WWOX: variants seen among roughly 807,000 people sequenced by gnomAD.
The protein encoded by WWOX is WW domain containing oxidoreductase, also known as WW domain-containing oxidoreductase.
WWOX carries 69 observed loss-of-function variants against 46.2 expected under a neutral mutation model. That is an observed-to-expected ratio of 1.49 (90% CI 1.23 to 1.82). The LOEUF (loss-of-function observed/expected upper bound fraction) is 1.82, where lower values mean the gene tolerates loss of function less well. Among genes scored for constraint, WWOX ranks in the 40% most tolerant of loss-of-function variants. The pLI, the probability that WWOX is intolerant of heterozygous loss-of-function variation, is 0.00. For missense variants in WWOX, 919 were observed against 542.6 expected, an observed-to-expected ratio of 1.69 and a Z score of -6.89; for synonymous variants, 359 against 202.6, an observed-to-expected ratio of 1.77 and a Z score of -6.56.
intron 8 of WWOX, among the ~76,000 whole-genome samples, chr16:78,575,021 AAATATATATATATATATATATATATATAT>A (rs2044823831): frequency 1.5e-4 from 2 of 13,334 alleles, no homozygotes; most frequent in African/African-American, 1.0e-3. Context: ...ATATATATAT[AAATATATATATATATATATATATATATAT>A]ATATATATAT....
At chr16:78,710,034 A>C (rs1023819649) in intron 8 of WWOX, among the ~76,000 whole-genome samples, 2 of 152,016 alleles carry the variant, frequency 1.3e-5, no homozygotes, top group Non-Finnish European at 2.9e-5. Context: ...CCCGGCCGAT[A>C]GTTGCCTTTC....
At position 78,745,080 on chromosome 16, in the gene WWOX, C is replaced by G. The variant is rs139142647; in HGVS notation, c.1056+312328C>G. Among the ~76,000 whole-genome samples the G allele has an allele frequency of 6.9e-3, 1,054 of 152,116 alleles. 11 individuals are homozygous for G. The highest frequency in any genetic ancestry group is 0.044 in the South Asian group (212 of 4,810). ...ATTTTATTGATGAAGAAATGGAGATCTCAAGAGGTAAAAAAAACTGACTAT... is the reference window on the plus strand; with the variant it reads ...ATTTTATTGATGAAGAAATGGAGATGTCAAGAGGTAAAAAAAACTGACTAT... On this transcript the variant is annotated intron_variant, in intron 8 of 8. Coordinates refer to ENST00000566780, the MANE Select transcript of WWOX (RefSeq NM_016373.4).
At chr16:78,987,618 C>G (rs980201018) in intron 8 of WWOX, among the ~76,000 whole-genome samples, 2 of 152,154 alleles carry the variant, frequency 1.3e-5, no homozygotes, top group African/African-American at 4.8e-5. Flanking sequence ...TATGCTCCCT[C>G]ATGTTTCAAG....
intron 8 of WWOX, among the ~76,000 whole-genome samples, chr16:78,889,261 T>C (rs1026431127): frequency 2.0e-5 from 3 of 152,140 alleles, no homozygotes; most frequent in Non-Finnish European, 4.4e-5. Context: ...CATTTATATA[T>C]TGTTCATATC....
intron 8 of WWOX, among the ~76,000 whole-genome samples, chr16:79,114,548 G>A (rs2049476311): frequency 1.3e-5 from 2 of 152,076 alleles, no homozygotes; most frequent in Non-Finnish European, 2.9e-5. Context: ...ACCACCAGGA[G>A]CTGGAAGTGG....
chr16:78,659,262 A>C (rs897523517), intron 8 of WWOX, among the ~76,000 whole-genome samples: 1 of 152,148 alleles, frequency 6.6e-6, no homozygotes, highest in Non-Finnish European at 1.5e-5. Flanking sequence ...ACTCACAGAG[A>C]TAACCGTGTA....
intron 8 of WWOX, among the ~76,000 whole-genome samples, chr16:78,651,249 A>G (rs2046959614): frequency 6.6e-6 from 1 of 152,258 alleles, no homozygotes; most frequent in Admixed American, 6.5e-5. Flanking sequence ...GCATGCTTAA[A>G]CAAGAAAGGC....
rs191304945 is a variant in WWOX at position 78,528,742 on chromosome 16, T to A, written c.1056+95990T>A. On this transcript the variant is annotated intron_variant, in intron 8 of 8. Transcript: ENST00000566780. ...AAATTTGGCCGGTGAAAATGAACTT[T>A]AGGTAGGGGTTTGAGGAAAATGAAA... is the stretch of plus-strand genomic sequence containing the variant. 2.2e-4 allele frequency among the ~76,000 whole-genome samples: 34 copies of A among 152,180 alleles called. No individual in the cohort carries two copies. The East Asian group carries it at 5.4e-3, about 24-fold the overall frequency.
chr16:78,667,250 A>G (rs1004405176), intron 8 of WWOX, among the ~76,000 whole-genome samples: 2 of 152,200 alleles, frequency 1.3e-5, no homozygotes, highest in African/African-American at 4.8e-5. Context: ...GTAGCAGACT[A>G]TCTTTCTAGA....
intron 8 of WWOX, among the ~76,000 whole-genome samples, chr16:78,539,667 C>T (rs527745227): frequency 6.6e-6 from 1 of 152,182 alleles, no homozygotes; most frequent in Non-Finnish European, 1.5e-5. Flanking sequence ...CTTGCAGTGG[C>T]TGCCTGGGAA....
chr16:79,141,617 A>C (rs1339529416), intron 8 of WWOX, among the ~76,000 whole-genome samples: 1 of 152,230 alleles, frequency 6.6e-6, no homozygotes, highest in Non-Finnish European at 1.5e-5. Flanking sequence ...ATGTCCTCCA[A>C]AGAAGTTTGG....
chr16:78,638,370 G>A (rs911526004), intron 8 of WWOX, among the ~76,000 whole-genome samples: 8 of 151,946 alleles, frequency 5.3e-5, no homozygotes, highest in African/African-American at 1.9e-4. Flanking sequence ...TTCATTCCCT[G>A]TCCTTTCCCC....
At chr16:78,686,335 C>A (rs1006793914) in intron 8 of WWOX, among the ~76,000 whole-genome samples, 1 of 152,092 alleles carries the variant, frequency 6.6e-6, no homozygotes, top group Non-Finnish European at 1.5e-5. Flanking sequence ...GTCGGTGAAA[C>A]CCCGCCTCTA....
At chr16:79,077,211 A>G (rs1056202160) in intron 8 of WWOX, among the ~76,000 whole-genome samples, 3 of 152,140 alleles carry the variant, frequency 2.0e-5, no homozygotes, top group Admixed American at 1.3e-4. Context: ...CTTAAAACCC[A>G]TTAGTTTCTT....
At chr16:79,160,818 A>G (rs2050471445) in intron 8 of WWOX, among the ~76,000 whole-genome samples, 1 of 152,220 alleles carries the variant, frequency 6.6e-6, no homozygotes, top group African/African-American at 2.4e-5. Flanking sequence ...TGTTCTGTGT[A>G]TATGTAGACA....
chr16:78,692,957 C>A (rs1240935812), intron 8 of WWOX, among the ~76,000 whole-genome samples: 1 of 152,076 alleles, frequency 6.6e-6, no homozygotes, highest in Non-Finnish European at 1.5e-5. Flanking sequence ...TATTAAACAC[C>A]CTTCTCTCCC....
chr16:78,924,322 G>A (rs1436687299), intron 8 of WWOX, among the ~76,000 whole-genome samples: 1 of 152,128 alleles, frequency 6.6e-6, no homozygotes, highest in Non-Finnish European at 1.5e-5. Context: ...GGGTGGGGTT[G>A]CTTTTAAACT....
intron 8 of WWOX, among the ~76,000 whole-genome samples, chr16:78,850,565 C>G (rs1046826157): frequency 1.3e-5 from 2 of 151,984 alleles, no homozygotes; most frequent in Non-Finnish European, 2.9e-5. Context: ...CTGTTTAGTC[C>G]CCTCTCCCCC....
chr16:79,115,420 C>G (rs1380319721), intron 8 of WWOX, among the ~76,000 whole-genome samples: 1 of 149,372 alleles, frequency 6.7e-6, no homozygotes, highest in South Asian at 2.2e-4. Context: ...GAACAGGAAG[C>G]CCAGAGTGAA....
Sources: allele counts gnomAD v4.1 joint callset (sites outside exome capture counted in the v4.1 genomes callset), GRCh38; gene constraint gnomAD v4.1.1; transcripts MANE v1.5; gene names NCBI Gene and HGNC (gene_info 2026-07-23, HGNC 2026-07-21).